RYK: variants seen among roughly 807,000 people sequenced by gnomAD.
RYK encodes inactive tyrosine-protein kinase RYK.
RYK carries 21 observed loss-of-function variants against 70.2 expected under a neutral mutation model. The observed-to-expected ratio is 0.30, with a 90% confidence interval of 0.21 to 0.43. The LOEUF is 0.43. Among genes scored for constraint, RYK ranks in the 20% least tolerant of loss-of-function variants. The pLI, the probability that RYK is intolerant of heterozygous loss-of-function variation, is 1.00. For synonymous variants in RYK, 267 were observed against 278.0 expected (o/e 0.96, Z 0.39); for missense variants, 604 against 753.3 (o/e 0.80, Z 2.32).
chr3:134,240,655 A>G (rs1383182410), intron 1 of RYK, among the ~76,000 whole-genome samples: 1 of 152,244 alleles, frequency 6.6e-6, no homozygotes, highest in Non-Finnish European at 1.5e-5. Context: ...AATATGACAT[A>G]TACCAGTTTT....
intron 1 of RYK, among the ~76,000 whole-genome samples, chr3:134,230,332 C>T (rs896466140): frequency 3.3e-5 from 5 of 152,208 alleles, no homozygotes; most frequent in South Asian, 2.1e-4. Flanking sequence ...CCATCCGCCT[C>T]GGCCTCCCAA....
At chr3:134,167,290 C>A (rs1335614465) in intron 13 of RYK, among the ~76,000 whole-genome samples, 1 of 152,158 alleles carries the variant, frequency 6.6e-6, no homozygotes, top group Non-Finnish European at 1.5e-5. Flanking sequence ...ATTGCCAAGA[C>A]AATCCTAAGC....
At chr3:134,209,860 C>T (rs1487103025) in intron 3 of RYK, 31 bp from the exon 4 acceptor site, 3 of 1,413,324 alleles carry the variant, frequency 2.1e-6, no homozygotes, top group Non-Finnish European at 2.8e-6. Flanking sequence ...AAATATTTTA[C>T]ATTTTCTAAA....
Position 134,222,489 on chromosome 3 carries a change from C to T in RYK, c.283G>A (p.Ala95Thr), listed in dbSNP as rs2014772158. The change falls in exon 2 of 15, where the codon GCT (alanine) becomes ACT (threonine). Residue 95 changes from alanine to threonine, a missense_variant. Coordinates refer to ENST00000623711, the MANE Select transcript of RYK (RefSeq NM_002958.4). ...YVRNDLISHY[A>T]LSFSLLVPSE... Reference sequence around the variant, plus strand: ...GGTACTAACAGACTAAAGGATAGAGCGTAGTGACTAATAAGGTCATTTCTC... The same window carrying T: ...GGTACTAACAGACTAAAGGATAGAGTGTAGTGACTAATAAGGTCATTTCTC... The T allele has an allele frequency of 1.9e-6, 3 of 1,612,892 alleles. No individual in the cohort carries two copies. Among genetic ancestry groups the T allele is most frequent in the South Asian group, 1.1e-5 (1 of 91,028 alleles).
intron 12 of RYK, 62 bp from the exon 13 acceptor site, chr3:134,175,830 C>T: frequency 6.3e-7 from 1 of 1,581,400 alleles, no homozygotes; most frequent in South Asian, 1.1e-5. Context: ...GGATCATCAC[C>T]ACCCTTAAAT....
chr3:134,197,631 A>G (rs945522195), intron 6 of RYK, among the ~76,000 whole-genome samples: 1 of 152,206 alleles, frequency 6.6e-6, no homozygotes, highest in African/African-American at 2.4e-5. Context: ...ATCAAACCAG[A>G]TATCAAAGCT....
At position 134,209,806 on chromosome 3, in the gene RYK, TAC is replaced by T; in HGVS notation, c.476_477del (p.Cys159TyrfsTer7). 1 of 1,506,472 alleles carries T rather than the reference TAC, an allele frequency of 6.6e-7. No homozygotes were observed. The highest frequency in any genetic ancestry group is 8.8e-7 in the Non-Finnish European group (1 of 1,131,430). 93.3% of individuals were successfully genotyped at this position (1,506,472 alleles called of 1,614,324 possible). ...TLSVFRVELS[C>X]TGKVDSEVMI... is the part of the protein sequence containing the mutation. ...ATAACTTCAGAATCTACTTTGCCAG[TAC>T]AGGAAAGCTCTACCCGAAACACTGT... On this transcript the variant is annotated frameshift_variant, in exon 4 of 15. Coordinates refer to ENST00000623711, the MANE Select transcript of RYK (RefSeq NM_002958.4). LOFTEE classifies it high-confidence loss of function.
chr3:134,161,432 C>T (rs1189747417), intron 13 of RYK, among the ~76,000 whole-genome samples: 1 of 152,178 alleles, frequency 6.6e-6, no homozygotes, highest in Non-Finnish European at 1.5e-5. Flanking sequence ...AGTAGCACAT[C>T]CTCCAAGCTG....
chr3:134,184,961 CAAAAAAAA>C (rs34543975), intron 9 of RYK, among the ~76,000 whole-genome samples: 57 of 80,132 alleles, frequency 7.1e-4, no homozygotes, highest in African/African-American at 2.0e-3. Context: ...CCCATCTCTA[CAAAAAAAA>C]AAAAAAAAAA....
chr3:134,210,925 T>C (rs1426477210), intron 3 of RYK, among the ~76,000 whole-genome samples: 2 of 152,052 alleles, frequency 1.3e-5, no homozygotes, highest in African/African-American at 2.4e-5. Flanking sequence ...GTAGGATGAA[T>C]AGAAAGGAGT....
chr3:134,201,590 A>G (rs1445671924), intron 6 of RYK, among the ~76,000 whole-genome samples: 1 of 152,146 alleles, frequency 6.6e-6, no homozygotes, highest in African/African-American at 2.4e-5. Context: ...AGACTTCATG[A>G]AAGAGACAGC....
At chr3:134,167,815 G>A (rs1373529998) in intron 13 of RYK, among the ~76,000 whole-genome samples, 1 of 152,136 alleles carries the variant, frequency 6.6e-6, no homozygotes, top group Non-Finnish European at 1.5e-5. Flanking sequence ...AGCGAAAGAA[G>A]CTACCGTCAG....
intron 13 of RYK, among the ~76,000 whole-genome samples, chr3:134,164,433 C>A (rs2012587187): frequency 6.6e-6 from 1 of 152,150 alleles, no homozygotes; most frequent in Non-Finnish European, 1.5e-5. Flanking sequence ...CCAGCACTAC[C>A]ATCCCCAAGT....
intron 9 of RYK, among the ~76,000 whole-genome samples, chr3:134,187,968 G>T (rs2013522094): frequency 6.6e-6 from 1 of 151,828 alleles, no homozygotes. Flanking sequence ...TAAGCCATAT[G>T]CCTGCATAAA....
chr3:134,241,508 A>G (rs2015326879), intron 1 of RYK, among the ~76,000 whole-genome samples: 1 of 152,218 alleles, frequency 6.6e-6, no homozygotes, highest in Non-Finnish European at 1.5e-5. Context: ...CCCACTGATT[A>G]TAACATGGTT....
chr3:134,249,826 A>C (rs2015560247), intron 1 of RYK, among the ~76,000 whole-genome samples: 1 of 151,800 alleles, frequency 6.6e-6, no homozygotes, highest in Non-Finnish European at 1.5e-5. Context: ...ATATGCTTAG[A>C]ATCTAAGCAT....
intron 13 of RYK, among the ~76,000 whole-genome samples, chr3:134,175,112 G>C (rs1165380413): frequency 6.6e-6 from 1 of 152,108 alleles, no homozygotes; most frequent in Admixed American, 6.5e-5. Flanking sequence ...GAGGCAGGTG[G>C]ATCAACTGAG....
intron 2 of RYK, among the ~76,000 whole-genome samples, chr3:134,221,010 T>C (rs1049340860): frequency 1.3e-5 from 2 of 151,782 alleles, no homozygotes; most frequent in African/African-American, 4.8e-5. Flanking sequence ...CTAAAGAGAA[T>C]GAGTGAGAGA....
chr3:134,188,017 T>C (rs2013523497), intron 9 of RYK, among the ~76,000 whole-genome samples: 1 of 152,026 alleles, frequency 6.6e-6, no homozygotes, highest in South Asian at 2.1e-4. Flanking sequence ...TTTAATTAAA[T>C]AACTTATACA....
Sources: allele counts gnomAD v4.1 joint callset (sites outside exome capture counted in the v4.1 genomes callset), GRCh38; gene constraint gnomAD v4.1.1; transcripts MANE v1.5; gene names NCBI Gene and HGNC (gene_info 2026-07-23, HGNC 2026-07-21).